The following SLC60A1 variants were observed in gnomAD, a reference collection of about 807,000 sequenced individuals.
SLC60A1 encodes the protein solute carrier family 60 member 1.
the SLC60A1 span, among the ~76,000 whole-genome samples, chr1:205,578,506 CCAG>C: frequency 6.6e-6 from 1 of 152,184 alleles, no homozygotes; most frequent in African/African-American, 2.4e-5. Context: ...GGTAATCTCC[CCAG>C]CAGATCAGCC....
the SLC60A1 span, chr1:205,579,703 G>C: frequency 3.1e-6 from 5 of 1,598,558 alleles, no homozygotes; most frequent in Non-Finnish European, 4.3e-6. Flanking sequence ...AGAAGGGGGA[G>C]GGGATGCTTC....
At chr1:205,584,163 T>C in the SLC60A1 span, 1 of 1,585,144 alleles carries the variant, frequency 6.3e-7, no homozygotes, top group Non-Finnish European at 8.6e-7. Context: ...CAGCCTCATG[T>C]TGAGGCTTCC....
At chr1:205,602,110 T>A in the SLC60A1 span, 1 of 152,346 alleles carries the variant, frequency 6.6e-6, no homozygotes, top group East Asian at 1.9e-4. Context: ...CTGCTGGCAG[T>A]AGCAAATGGC....
the SLC60A1 span, among the ~76,000 whole-genome samples, chr1:205,577,174 A>C: frequency 6.6e-6 from 1 of 151,970 alleles, no homozygotes; most frequent in South Asian, 2.1e-4. The surrounding 1 kb of genome is among the most constrained non-coding windows in gnomAD (Gnocchi z 5.2). Context: ...TCCCCACTGT[A>C]CACCGGGCAC....
the SLC60A1 span, among the ~76,000 whole-genome samples, chr1:205,581,996 GC>G: frequency 6.6e-6 from 1 of 152,200 alleles, no homozygotes; most frequent in Non-Finnish European, 1.5e-5. The surrounding 1 kb of genome is among the most constrained non-coding windows in gnomAD (Gnocchi z 4.2). Context: ...TCTACCTGCT[GC>G]CCCCTCATCA....
the SLC60A1 span, among the ~76,000 whole-genome samples, chr1:205,580,186 G>A: frequency 1.3e-5 from 2 of 152,174 alleles, no homozygotes; most frequent in African/African-American, 4.8e-5. The surrounding 1 kb of genome is among the most constrained non-coding windows in gnomAD (Gnocchi z 5.0). Context: ...GAAAGGTGGT[G>A]TGACTCAGGG....
At chr1:205,596,678 G>A in the SLC60A1 span, among the ~76,000 whole-genome samples, 1 of 151,984 alleles carries the variant, frequency 6.6e-6, no homozygotes, top group Non-Finnish European at 1.5e-5. Context: ...GGAGGGTGGA[G>A]GGGGAGAGAG....
chr1:205,580,996 G>A, the SLC60A1 span: 1 of 1,530,866 alleles, frequency 6.5e-7, no homozygotes, highest in Middle Eastern at 2.0e-4. This position sits in a 1 kb window ranked among gnomAD's most constrained non-coding sequence, Gnocchi z 5.0. Context: ...CACACCCAGT[G>A]AAGATTCTTC....
the SLC60A1 span, among the ~76,000 whole-genome samples, chr1:205,581,556 G>T: frequency 6.6e-6 from 1 of 152,204 alleles, no homozygotes; most frequent in African/African-American, 2.4e-5. The surrounding 1 kb of genome is among the most constrained non-coding windows in gnomAD (Gnocchi z 4.2). Context: ...GCCCAGACTG[G>T]AGCCAGAGTG....
the SLC60A1 span, chr1:205,585,002 C>T: frequency 7.5e-6 from 12 of 1,610,318 alleles, no homozygotes; most frequent in Middle Eastern, 1.6e-4. This position sits in a 1 kb window ranked among gnomAD's most constrained non-coding sequence, Gnocchi z 4.2. Context: ...GTGAGCCTGC[C>T]TCAGAGGGCG....
chr1:205,600,004 C>A, the SLC60A1 span: 1 of 159,452 alleles, frequency 6.3e-6, no homozygotes, highest in African/African-American at 2.4e-5. Flanking sequence ...AACATATCTA[C>A]GCTCTAAACG....
At chr1:205,580,094 A>G in the SLC60A1 span, 1 of 892,234 alleles carries the variant, frequency 1.1e-6, no homozygotes, top group Non-Finnish European at 1.7e-6. This position sits in a 1 kb window ranked among gnomAD's most constrained non-coding sequence, Gnocchi z 5.0. Context: ...TCCCATCTCT[A>G]AAGCAGAGCA....
the SLC60A1 span, chr1:205,599,203 T>C: frequency 6.2e-7 from 1 of 1,614,186 alleles, no homozygotes; most frequent in Non-Finnish European, 8.5e-7. Flanking sequence ...TTTTACCTTC[T>C]ATATCTTGCT....
At chr1:205,576,329 G>C in the SLC60A1 span, among the ~76,000 whole-genome samples, 1 of 152,222 alleles carries the variant, frequency 6.6e-6, no homozygotes, top group Non-Finnish European at 1.5e-5. Flanking sequence ...CACCTGGGAG[G>C]GGTGGCAAGT....
the SLC60A1 span, among the ~76,000 whole-genome samples, chr1:205,597,372 T>TG: frequency 5.0e-5 from 3 of 60,172 alleles, no homozygotes; most frequent in Non-Finnish European, 1.2e-4. Flanking sequence ...CAACCTAGGT[T>TG]GTTTTTTTTT....
the SLC60A1 span, among the ~76,000 whole-genome samples, chr1:205,575,710 G>C: frequency 3.3e-5 from 5 of 152,166 alleles, no homozygotes; most frequent in African/African-American, 7.2e-5. Flanking sequence ...GAGAACTCAG[G>C]CTCCTTCCTC....
chr1:205,597,385 T>G, the SLC60A1 span, among the ~76,000 whole-genome samples: 10 of 145,162 alleles, frequency 6.9e-5, no homozygotes, highest in South Asian at 9.3e-4. Context: ...TTTTTTTTTT[T>G]TTTTTTTTTT....
chr1:205,592,005 C>T, the SLC60A1 span: 3 of 1,216,874 alleles, frequency 2.5e-6, no homozygotes, highest in Admixed American at 2.5e-5. Flanking sequence ...CACGGGGTGG[C>T]GCGCGGGTCA....
chr1:205,580,013 C>A, the SLC60A1 span: 1 of 1,517,630 alleles, frequency 6.6e-7, no homozygotes, highest in Non-Finnish European at 8.9e-7. This position sits in a 1 kb window ranked among gnomAD's most constrained non-coding sequence, Gnocchi z 5.0. Context: ...CCTAGGCCCC[C>A]TCAGTCTCTC....
Sources: allele counts gnomAD v4.1 joint callset (sites outside exome capture counted in the v4.1 genomes callset), GRCh38; gene constraint gnomAD v4.1.1; non-coding constraint Gnocchi (gnomAD v3.1); transcripts MANE v1.5; gene names NCBI Gene and HGNC (gene_info 2026-07-23, HGNC 2026-07-21).